KMT2C: variants seen among roughly 807,000 people sequenced by gnomAD.
KMT2C encodes histone-lysine N-methyltransferase 2C.
Under a neutral mutation model 507.9 loss-of-function variants are expected in KMT2C, and 88 were observed. The ratio of observed to expected loss-of-function variants is 0.17; its 90% confidence interval spans 0.15 to 0.21. The LOEUF is 0.21. KMT2C is among the 10% of genes least tolerant of loss of function. The pLI is 1.00. For missense variants in KMT2C, 4,954 were observed against 5,957.8 expected (o/e 0.83, Z 5.55); for synonymous variants, 2,049 against 2,080.8 (o/e 0.98, Z 0.42).
intron 41 of KMT2C, among the ~76,000 whole-genome samples, chr7:152,168,851 G>A (rs2129107111): frequency 6.6e-6 from 1 of 152,258 alleles, no homozygotes; most frequent in Middle Eastern, 3.4e-3. Flanking sequence ...CACTTAGGAA[G>A]ACAGTTCTTA....
At chr7:152,361,103 G>C (rs1386418164) in intron 1 of KMT2C, among the ~76,000 whole-genome samples, 1 of 151,918 alleles carries the variant, frequency 6.6e-6, no homozygotes, top group Non-Finnish European at 1.5e-5. Flanking sequence ...AGTCAAAATA[G>C]CATCACTTCA....
intron 1 of KMT2C, among the ~76,000 whole-genome samples, chr7:152,422,769 A>T (rs918319248): frequency 6.6e-6 from 1 of 152,160 alleles, no homozygotes; most frequent in African/African-American, 2.4e-5. Flanking sequence ...CACGCCTGTA[A>T]TCTCAGCACT....
At chr7:152,202,903 C>A (rs199589106) in intron 26 of KMT2C, 31 bp downstream of exon 26, 1 of 1,493,610 alleles carries the variant, frequency 6.7e-7, no homozygotes, top group Non-Finnish European at 9.2e-7. Flanking sequence ...AATTAACAAA[C>A]CATGTAAAAT....
At chr7:152,241,196 T>TTTTCTTTC (rs773061505) in intron 14 of KMT2C, among the ~76,000 whole-genome samples, 8 of 152,012 alleles carry the variant, frequency 5.3e-5, no homozygotes, top group African/African-American at 4.8e-5. Flanking sequence ...ATGTCTGGCA[T>TTTTCTTTC]TTTCTTTCTT....
chr7:152,219,593 A>C (rs1294781572), intron 23 of KMT2C, among the ~76,000 whole-genome samples: 3 of 152,010 alleles, frequency 2.0e-5, no homozygotes, highest in Admixed American at 6.6e-5. Flanking sequence ...AAAAAAAAAA[A>C]CAAAAAACTA....
intron 6 of KMT2C, among the ~76,000 whole-genome samples, chr7:152,297,051 A>AAGAAAGAAAGAAAGAAAGAG (rs1356233143): frequency 3.3e-5 from 2 of 60,240 alleles, no homozygotes; most frequent in Non-Finnish European, 6.7e-5. Flanking sequence ...GAAAGAAAGA[A>AAGAAAGAAAGAAAGAAAGAG]AGACAGAGAG....
Position 152,150,962 on chromosome 7 carries a change from A to C in KMT2C, c.12712T>G (p.Cys4238Gly). The C allele has an allele frequency of 6.2e-7, 1 of 1,613,728 alleles. No individual in the cohort carries two copies. The highest frequency in any genetic ancestry group is 8.5e-7 in the Non-Finnish European group (1 of 1,179,718). Residue 4238 changes from cysteine (C) to glycine (G), a missense_variant, in exon 51 of 59, where the codon TGT becomes GGT. Transcript: ENST00000262189. ...TAAAGAATAAAGCAGTTATTACTAC[A>C]GAAGACAATGTCCTTCTCTACCCTC... is the stretch of plus-strand genomic sequence containing the variant. ...TKRVEKDIVF[C>G]SNNCFILYSS...
chr7:152,397,201 C>A (rs1331753072), intron 1 of KMT2C, among the ~76,000 whole-genome samples: 1 of 144,186 alleles, frequency 6.9e-6, no homozygotes, highest in Non-Finnish European at 1.5e-5. Context: ...ACTTTCCAAG[C>A]TTTTTTTTTT....
intron 3 of KMT2C, among the ~76,000 whole-genome samples, chr7:152,327,713 CT>C (rs2096841699): frequency 6.6e-6 from 1 of 152,112 alleles, no homozygotes; most frequent in South Asian, 2.1e-4. Flanking sequence ...ACTCCCAACA[CT>C]TTGGGAGGCC....
At chr7:152,309,498 A>C (rs1011023893) in intron 6 of KMT2C, among the ~76,000 whole-genome samples, 2 of 145,472 alleles carry the variant, frequency 1.4e-5, no homozygotes, top group African/African-American at 5.1e-5. Flanking sequence ...TAATTTTTGC[A>C]TAAAATAACT....
At position 152,315,689 on chromosome 7, in the gene KMT2C, C is replaced by T. The variant is rs373081732; in HGVS notation, c.390-351G>A. On this transcript the variant is annotated intron_variant, in intron 3 of 58. Transcript: ENST00000262189. ...AAGCACGGTGGCTCATGCCTGTAAT[C>T]CCAGTACTCTGGGAGGTGGAAGTTC... Among the ~76,000 whole-genome samples, 165 of 152,250 alleles carry T rather than the reference C, an allele frequency of 1.1e-3. 1 individual carries two copies. Among genetic ancestry groups the T allele is most frequent in the African/African-American group, 2.9e-3 (121 of 41,548 alleles).
chr7:152,339,952 C>T (rs1337075987), intron 2 of KMT2C, among the ~76,000 whole-genome samples: 2 of 152,016 alleles, frequency 1.3e-5, no homozygotes, highest in Admixed American at 6.6e-5. Flanking sequence ...GACTAGTTAT[C>T]CAAAAAATAT....
At chr7:152,312,575 A>T (rs2096682252) in intron 4 of KMT2C, among the ~76,000 whole-genome samples, 1 of 152,200 alleles carries the variant, frequency 6.6e-6, no homozygotes, top group South Asian at 2.1e-4. Context: ...CACAAATTGG[A>T]AGTAAAAAGC....
At chr7:152,273,957 A>G (rs2096026230) in intron 6 of KMT2C, 90 bp from the exon 7 acceptor site, 2 of 1,314,102 alleles carry the variant, frequency 1.5e-6, no homozygotes, top group East Asian at 2.6e-5. Context: ...AACTCTCTGT[A>G]TATCACAAGT....
intron 2 of KMT2C, among the ~76,000 whole-genome samples, chr7:152,357,206 G>A (rs1249530434): frequency 2.0e-5 from 3 of 151,494 alleles, no homozygotes; most frequent in Non-Finnish European, 4.4e-5. Flanking sequence ...CAGCCTGGGA[G>A]AGAGAGCAAG....
chr7:152,358,275 C>A (rs748120143), intron 2 of KMT2C, among the ~76,000 whole-genome samples: 2 of 151,972 alleles, frequency 1.3e-5, no homozygotes, highest in Non-Finnish European at 2.9e-5. Context: ...GGTTCATAGG[C>A]CAGAATATAC....
At chr7:152,392,871 A>C (rs777046480) in intron 1 of KMT2C, among the ~76,000 whole-genome samples, 1 of 152,122 alleles carries the variant, frequency 6.6e-6, no homozygotes, top group Non-Finnish European at 1.5e-5. Flanking sequence ...TTATATAATA[A>C]GCCAGTTTAT....
In KMT2C at chr7:152,414,253, G is replaced by C. The variant is rs545535181; in HGVS notation, c.161+21373C>G. Among the ~76,000 whole-genome samples, 4 of 150,458 alleles carry C rather than the reference G, an allele frequency of 2.7e-5. No homozygotes were observed. The South Asian group carries it at 8.4e-4, about 32-fold the overall frequency. ...ATATGAAACACAAAAAGCTGGGTGT[G>C]GTGGCTGGCTCACACCTGTAATCCC... On this transcript the variant is annotated intron_variant, in intron 1 of 58. Coordinates refer to ENST00000262189, the MANE Select transcript of KMT2C (RefSeq NM_170606.3).
At chr7:152,303,479 A>T (rs527283634) in intron 6 of KMT2C, among the ~76,000 whole-genome samples, 1 of 152,284 alleles carries the variant, frequency 6.6e-6, no homozygotes, top group African/African-American at 2.4e-5. Flanking sequence ...AAATCCCATT[A>T]ATGCATGTAT....
Sources: allele counts gnomAD v4.1 joint callset (sites outside exome capture counted in the v4.1 genomes callset), GRCh38; gene constraint gnomAD v4.1.1; transcripts MANE v1.5; gene names NCBI Gene and HGNC (gene_info 2026-07-23, HGNC 2026-07-21).